Variants in ZDHHC14 observed in about 807,000 individuals in gnomAD.
ZDHHC14 encodes the protein palmitoyltransferase ZDHHC14.
In ZDHHC14, 16 loss-of-function variants were observed where a neutral mutation model predicts 47.7. The observed-to-expected ratio is 0.34, with a 90% CI of 0.23 to 0.51. ZDHHC14 has a LOEUF of 0.51. Ranked by LOEUF, ZDHHC14 falls within the 20% of genes least tolerant of loss-of-function variation. ZDHHC14 has a pLI of 0.97. For missense variants in ZDHHC14, 515 were observed against 662.5 expected, an observed-to-expected ratio of 0.78 and a Z score of 2.44; for synonymous variants, 293 against 278.9, an observed-to-expected ratio of 1.05 and a Z score of -0.50.
At chr6:157,562,283 G>A (rs955096347) in intron 2 of ZDHHC14, among the ~76,000 whole-genome samples, 1 of 152,222 alleles carries the variant, frequency 6.6e-6, no homozygotes, top group Non-Finnish European at 1.5e-5. Flanking sequence ...GCAGAAGTGG[G>A]GACCAGGGAT....
intron 1 of ZDHHC14, among the ~76,000 whole-genome samples, chr6:157,384,390 A>G (rs1777272296): frequency 6.6e-6 from 1 of 152,174 alleles, no homozygotes; most frequent in Non-Finnish European, 1.5e-5. Context: ...AAGAGTTCCC[A>G]AAAGTCCTCA....
intron 1 of ZDHHC14, among the ~76,000 whole-genome samples, chr6:157,451,365 A>G (rs1778799071): frequency 1.3e-5 from 2 of 152,198 alleles, no homozygotes; most frequent in South Asian, 4.1e-4. Context: ...CTGATCCTTA[A>G]CATTAAAAGC....
chr6:157,645,003 C>G (rs1433689861), intron 5 of ZDHHC14, among the ~76,000 whole-genome samples: 1 of 152,136 alleles, frequency 6.6e-6, no homozygotes. Flanking sequence ...TCCTCTCTCT[C>G]TATGTCCTGC....
intron 4 of ZDHHC14, among the ~76,000 whole-genome samples, chr6:157,629,004 A>G (rs1384812548): frequency 1.3e-5 from 2 of 152,248 alleles, no homozygotes; most frequent in East Asian, 1.9e-4. Flanking sequence ...ACACAAATCT[A>G]TATAGGTTAA....
At chr6:157,579,813 T>C (rs193062907) in intron 2 of ZDHHC14, among the ~76,000 whole-genome samples, 147 of 152,340 alleles carry the variant, frequency 9.6e-4, no homozygotes, top group Non-Finnish European at 1.0e-3. Flanking sequence ...TTTCCAGATA[T>C]AGAATTATGT....
At chr6:157,451,856 A>G (rs1166942210) in intron 1 of ZDHHC14, among the ~76,000 whole-genome samples, 1 of 152,226 alleles carries the variant, frequency 6.6e-6, no homozygotes, top group Non-Finnish European at 1.5e-5. Context: ...CACTGCGCTC[A>G]GCATCTTGAA....
At chr6:157,554,596 C>G (rs139127085) in intron 2 of ZDHHC14, among the ~76,000 whole-genome samples, 2,101 of 152,294 alleles carry the variant, frequency 0.014, 46 homozygotes, top group African/African-American at 0.049. Context: ...GGACTAGGGG[C>G]TCCCAAACTG....
rs1422081883 is a variant in ZDHHC14, at chr6:157,677,294, C to G, written c.*4172C>G. On this transcript the variant is annotated 3_prime_UTR_variant, in exon 9 of 9. Coordinates refer to ENST00000359775, the MANE Select transcript of ZDHHC14 (RefSeq NM_024630.3). Reference sequence around the variant, plus strand: ...TCATTTGTTCCCTTAAAACGTCTCTCTCTCTCATAAAACTAAGTTATCATT... The same window carrying G: ...TCATTTGTTCCCTTAAAACGTCTCTGTCTCTCATAAAACTAAGTTATCATT... The G allele has an allele frequency of 6.7e-6, 1 of 148,162 alleles. No individual in the cohort carries two copies. The highest frequency in any genetic ancestry group is 1.5e-5 in the Non-Finnish European group (1 of 67,338). The allele number at this position is 148,162 out of a possible 1,614,324, so 9.2% of individuals were successfully genotyped here.
At chr6:157,460,290 T>C (rs1362126783) in intron 1 of ZDHHC14, among the ~76,000 whole-genome samples, 1 of 150,978 alleles carries the variant, frequency 6.6e-6, no homozygotes, top group Non-Finnish European at 1.5e-5. Context: ...TCCCAGCTAC[T>C]TGGGAGGCTG....
intron 1 of ZDHHC14, among the ~76,000 whole-genome samples, chr6:157,432,637 C>A (rs377079837): frequency 6.6e-6 from 1 of 152,128 alleles, no homozygotes. Context: ...TGACTTCCTG[C>A]GTGAGAGAAT....
chr6:157,457,659 G>A (rs147716280), intron 1 of ZDHHC14, among the ~76,000 whole-genome samples: 2,224 of 152,304 alleles, frequency 0.015, 58 homozygotes, highest in African/African-American at 0.05. Flanking sequence ...TGATATTCAT[G>A]TCCAAAATTA....
At chr6:157,572,589 A>T (rs1783142041) in intron 2 of ZDHHC14, among the ~76,000 whole-genome samples, 1 of 149,894 alleles carries the variant, frequency 6.7e-6, no homozygotes, top group Non-Finnish European at 1.5e-5. Flanking sequence ...GGTGTGCCGC[A>T]CCCATTAACT....
chr6:157,615,627 G>A (rs1399322246), intron 3 of ZDHHC14, among the ~76,000 whole-genome samples: 2 of 152,230 alleles, frequency 1.3e-5, no homozygotes, highest in Non-Finnish European at 1.5e-5. Flanking sequence ...CAAAAGGCCA[G>A]GACCCAAGTT....
intron 1 of ZDHHC14, among the ~76,000 whole-genome samples, chr6:157,536,858 G>A (rs1441910369): frequency 2.4e-5 from 1 of 41,050 alleles, no homozygotes. Context: ...TCGCTCTGTC[G>A]CCCAGGCTGG....
At chr6:157,566,889 C>T (rs985593196) in intron 2 of ZDHHC14, among the ~76,000 whole-genome samples, 11 of 147,608 alleles carry the variant, frequency 7.5e-5, no homozygotes, top group Admixed American at 5.4e-4. Flanking sequence ...CTTGCTCTGT[C>T]GCCCAGGCTG....
intron 2 of ZDHHC14, among the ~76,000 whole-genome samples, chr6:157,572,450 C>G (rs1275352791): frequency 6.6e-6 from 1 of 152,106 alleles, no homozygotes; most frequent in Admixed American, 6.5e-5. Flanking sequence ...ATCTGGCCTC[C>G]CTAGAGTACA....
chr6:157,443,789 A>T (rs1336978041), intron 1 of ZDHHC14, among the ~76,000 whole-genome samples: 3 of 152,184 alleles, frequency 2.0e-5, no homozygotes, highest in Non-Finnish European at 2.9e-5. Flanking sequence ...TCTGCCTCTT[A>T]CTAGCTGCAT....
chr6:157,647,205 A>G (rs1193886224), intron 6 of ZDHHC14, 54 bp from the exon 7 acceptor site: 9 of 1,267,956 alleles, frequency 7.1e-6, no homozygotes, highest in South Asian at 2.5e-5. Flanking sequence ...GCTCACCTCA[A>G]CTGTGCGTTG....
At chr6:157,406,277 G>T (rs377535520) in intron 1 of ZDHHC14, among the ~76,000 whole-genome samples, 3 of 152,184 alleles carry the variant, frequency 2.0e-5, no homozygotes, top group African/African-American at 7.2e-5. Context: ...AGGTTGAAAG[G>T]ATTTGAAAGT....
Sources: allele counts gnomAD v4.1 joint callset (sites outside exome capture counted in the v4.1 genomes callset), GRCh38; gene constraint gnomAD v4.1.1; transcripts MANE v1.5; gene names NCBI Gene and HGNC (gene_info 2026-07-23, HGNC 2026-07-21).